RALB: variants seen among roughly 807,000 people sequenced by gnomAD.
RALB encodes ras-related protein Ral-B.
A neutral mutation model predicts 21.3 loss-of-function variants in RALB; 16 were observed. The observed-to-expected ratio is 0.75, with a 90% CI of 0.51 to 1.14. The LOEUF (loss-of-function observed/expected upper bound fraction) is 1.14, where lower values mean the gene tolerates loss of function less well. RALB is among the 50% of genes most tolerant of loss of function. The pLI is 0.00. For missense variants in RALB, 161 were observed against 256.2 expected, an observed-to-expected ratio of 0.63 and a Z score of 2.54; for synonymous variants, 93 against 96.1, an observed-to-expected ratio of 0.97 and a Z score of 0.19.
chr2:120,294,210 G>A lies in RALB; in HGVS notation c.*950G>A. ...CACACACTCTTCCCAAAGACGTGAT[G>A]AGTTAAAGTTGTATTCTGAAATCAT... On this transcript the variant is annotated 3_prime_UTR_variant, in exon 5 of 5. Transcript: ENST00000272519. 2.5e-6 allele frequency: 1 copy of A among 398,596 alleles called. No individual in the cohort carries two copies. Among genetic ancestry groups the A allele is most frequent in the Non-Finnish European group, 4.4e-6 (1 of 226,056 alleles). The allele number at this position is 398,596 out of a possible 1,614,324, so 24.7% of individuals were successfully genotyped here. A position where few individuals can be genotyped will look rare whatever the true frequency, so the allele number is the denominator to read the frequency against.
rs1690372097 is a variant in RALB, at chr2:120,294,270, C to G, written c.*1010C>G. ...GCCTGTGCCAGACCTTCTGCTACCTCTCATAGAATTGCTCTGTAATTCTAA... is the reference window on the plus strand; with the variant it reads ...GCCTGTGCCAGACCTTCTGCTACCTGTCATAGAATTGCTCTGTAATTCTAA... On this transcript the variant is annotated 3_prime_UTR_variant, in exon 5 of 5. Transcript: ENST00000272519. 2.5e-6 allele frequency: 1 copy of G among 398,672 alleles called. No homozygotes were observed. The allele number at this position is 398,672 out of a possible 1,614,324, so 24.7% of individuals were successfully genotyped here. A position where few individuals can be genotyped will look rare whatever the true frequency, so the allele number is the denominator to read the frequency against.
chr2:120,260,339 A>G (rs934165684), intron 1 of RALB, among the ~76,000 whole-genome samples: 2 of 152,270 alleles, frequency 1.3e-5, no homozygotes, highest in African/African-American at 4.8e-5. Flanking sequence ...TCAGTAGCTA[A>G]TAAATGGGGG....
chr2:120,265,719 C>G (rs543613890), intron 1 of RALB, among the ~76,000 whole-genome samples: 1 of 152,228 alleles, frequency 6.6e-6, no homozygotes, highest in South Asian at 2.1e-4. Flanking sequence ...TTAAGTGACC[C>G]TGGACAAATC....
chr2:120,260,446 C>T (rs1183925428), intron 1 of RALB, among the ~76,000 whole-genome samples: 2 of 152,248 alleles, frequency 1.3e-5, no homozygotes, highest in Non-Finnish European at 2.9e-5. Flanking sequence ...GGGGCAGCAG[C>T]AAGGCTGTGA....
rs535207562 is a variant in RALB at position 120,273,377 on chromosome 2, A to G, written c.-47-5241A>G. On this transcript the variant is annotated intron_variant, in intron 1 of 4. Transcript: ENST00000272519. The stretch of plus-strand genomic sequence containing the variant: ...TGGGGTCAGTCTGAAAAACATCTCA[A>G]AAGACCAATCTTAGGTTCTGCAATA... Among the ~76,000 whole-genome samples, 3 of 152,284 alleles carry G rather than the reference A, an allele frequency of 2.0e-5. No homozygotes were observed. The East Asian group carries it at 5.8e-4, about 29-fold the overall frequency.
chr2:120,251,254 C>G (rs1436154401), upstream of RALB, among the ~76,000 whole-genome samples: 1 of 152,192 alleles, frequency 6.6e-6, no homozygotes, highest in Non-Finnish European at 1.5e-5. Flanking sequence ...GCCCTTTCCA[C>G]CAGGCTGCAC....
chr2:120,255,726 C>G (rs1191721667), intron 1 of RALB, among the ~76,000 whole-genome samples: 1 of 152,144 alleles, frequency 6.6e-6, no homozygotes, highest in East Asian at 1.9e-4. Flanking sequence ...AAGTTTGTCA[C>G]TTTAAAAAAA....
chr2:120,289,322 A>G (rs954978110), intron 3 of RALB, among the ~76,000 whole-genome samples: 1 of 135,966 alleles, frequency 7.4e-6, no homozygotes, highest in Non-Finnish European at 1.6e-5. Flanking sequence ...ACACTTCTGT[A>G]AGACTGAGCC....
At chr2:120,254,523 C>T (rs557004888) in intron 1 of RALB, among the ~76,000 whole-genome samples, 1 of 152,210 alleles carries the variant, frequency 6.6e-6, no homozygotes, top group African/African-American at 2.4e-5. Context: ...GAACTTGGGA[C>T]CTAGACCATA....
chr2:120,281,890 G>T (rs80100726), intron 2 of RALB, among the ~76,000 whole-genome samples: 1 of 152,184 alleles, frequency 6.6e-6, no homozygotes, highest in Admixed American at 6.5e-5. Flanking sequence ...AGGTGAGAGA[G>T]GGGGATTTTG....
chr2:120,264,631 A>G (rs930298061), intron 1 of RALB, among the ~76,000 whole-genome samples: 1 of 152,160 alleles, frequency 6.6e-6, no homozygotes, highest in African/African-American at 2.4e-5. Context: ...CATTTTACCT[A>G]TTTTCAGGGG....
At chr2:120,255,063 T>C (rs1223399218) in intron 1 of RALB, among the ~76,000 whole-genome samples, 1 of 152,232 alleles carries the variant, frequency 6.6e-6, no homozygotes, top group South Asian at 2.1e-4. Flanking sequence ...ATGTAACTTA[T>C]GGAAGTTAGA....
chr2:120,270,817 G>T (rs1034924669), intron 1 of RALB, among the ~76,000 whole-genome samples: 5 of 152,066 alleles, frequency 3.3e-5, no homozygotes, highest in African/African-American at 1.2e-4. Flanking sequence ...TTTTTCAGGG[G>T]TCTGTTTTCA....
At chr2:120,246,286 G>A (rs1688970099) in intron 1 of RALB, among the ~76,000 whole-genome samples, 1 of 152,206 alleles carries the variant, frequency 6.6e-6, no homozygotes, top group Admixed American at 6.5e-5. Flanking sequence ...GGCTGGAGGA[G>A]GAAGGGGGAT....
In RALB at chr2:120,255,116, A is replaced by G. The variant is rs948568338; in HGVS notation, c.-48+2136A>G. 6.6e-5 allele frequency among the ~76,000 whole-genome samples: 10 copies of G among 152,360 alleles called. No individual in the cohort carries two copies. The East Asian group carries it at 1.7e-3, about 26-fold the overall frequency. On this transcript the variant is annotated intron_variant, in intron 1 of 4. Coordinates refer to ENST00000272519, the MANE Select transcript of RALB (RefSeq NM_002881.3). Reference sequence around the variant, plus strand: ...TTCTTGAAAGCTAAATTTGGAGACAATGTAAGACTAGAGTGCGAAGAGATC... The same window carrying G: ...TTCTTGAAAGCTAAATTTGGAGACAGTGTAAGACTAGAGTGCGAAGAGATC...
chr2:120,277,931 G>C (rs929587308), intron 1 of RALB, among the ~76,000 whole-genome samples: 9 of 80,056 alleles, frequency 1.1e-4, no homozygotes, highest in Admixed American at 6.5e-4. Flanking sequence ...ATGTGAGCGT[G>C]TGTGAGCGAG....
In RALB at chr2:120,293,073, C is replaced by G. The variant is rs2104671914; in HGVS notation, c.502-68C>G. ...TGCTGTGTTCACAGTGTCAGGTTAACAAAAGAAAAAAATCATTAAATGGCT... is the reference window on the plus strand; with the variant it reads ...TGCTGTGTTCACAGTGTCAGGTTAAGAAAAGAAAAAAATCATTAAATGGCT... On this transcript the variant is annotated intron_variant, in intron 4 of 4. Coordinates refer to ENST00000272519, the MANE Select transcript of RALB (RefSeq NM_002881.3). 4 of 1,482,424 alleles carry G rather than the reference C, an allele frequency of 2.7e-6. No homozygotes were observed. In the South Asian group the frequency reaches 5.5e-5, roughly 20 times the overall value. 91.8% of individuals were successfully genotyped at this position (1,482,424 alleles called of 1,614,324 possible).
At chr2:120,242,480 C>G (rs1257305783) in intron 1 of RALB, among the ~76,000 whole-genome samples, 1 of 152,218 alleles carries the variant, frequency 6.6e-6, no homozygotes, top group Non-Finnish European at 1.5e-5. Flanking sequence ...GGGCTGATGC[C>G]TATAATCACT....
At chr2:120,253,672 C>T in intron 1 of RALB, 1 of 985,478 alleles carries the variant, frequency 1.0e-6, no homozygotes, top group Non-Finnish European at 1.2e-6. Flanking sequence ...CTTGTGTGAG[C>T]AGTGTCCTCT....
Sources: gnomAD v4.1 joint callset for allele counts (sites outside exome capture counted in the v4.1 genomes callset) on GRCh38, gnomAD v4.1.1 for gene constraint, MANE v1.5 for transcripts, NCBI Gene and HGNC (gene_info 2026-07-23, HGNC 2026-07-21) for gene names.